ESRRG: variants seen among roughly 807,000 people sequenced by gnomAD.
The protein encoded by ESRRG is estrogen related receptor gamma, also known as estrogen-related receptor gamma.
In ESRRG, 13 loss-of-function variants were observed where a neutral mutation model predicts 44.0. That is an observed-to-expected ratio of 0.30 (90% CI 0.19 to 0.47). ESRRG has a LOEUF of 0.47. ESRRG is among the 20% of genes least tolerant of loss of function. ESRRG has a pLI of 1.00. For missense variants in ESRRG, 395 were observed against 580.6 expected (o/e 0.68, Z 3.29); for synonymous variants, 215 against 214.6 (o/e 1.00, Z -0.02).
chr1:216,901,306 A>G (rs1470594653), intron 2 of ESRRG, among the ~76,000 whole-genome samples: 1 of 152,138 alleles, frequency 6.6e-6, no homozygotes, highest in Non-Finnish European at 1.5e-5. Context: ...ATAGGACACT[A>G]GATCTCATTT....
chr1:216,986,928 A>G (rs1166381127), intron 1 of ESRRG, among the ~76,000 whole-genome samples: 6 of 152,212 alleles, frequency 3.9e-5, no homozygotes. Context: ...ATTTTAAACC[A>G]TCAATAATAA....
intron 2 of ESRRG, among the ~76,000 whole-genome samples, chr1:216,920,381 GGAGTGTGT>G (rs937902825): frequency 1.4e-4 from 16 of 114,410 alleles, no homozygotes; most frequent in African/African-American, 5.5e-4. Context: ...TGAATGTATG[GGAGTGTGT>G]GTGTGTGTGT....
intron 2 of ESRRG, among the ~76,000 whole-genome samples, chr1:216,910,996 A>G (rs1284822478): frequency 1.3e-5 from 2 of 152,196 alleles, no homozygotes; most frequent in African/African-American, 4.8e-5. Context: ...CATTTATTGA[A>G]TAATTTTTCA....
chr1:217,018,791 TTTC>T (rs1408592777), intron 1 of ESRRG, among the ~76,000 whole-genome samples: 1 of 152,162 alleles, frequency 6.6e-6, no homozygotes, highest in Non-Finnish European at 1.5e-5. Flanking sequence ...CCTTTCCACA[TTTC>T]TTCTAACACT....
At chr1:216,668,861 G>T (rs1224663469) in intron 2 of ESRRG, among the ~76,000 whole-genome samples, 1 of 151,990 alleles carries the variant, frequency 6.6e-6, no homozygotes, top group Admixed American at 6.6e-5. Context: ...GGAAATAATA[G>T]ACTAAAAAAA....
intron 1 of ESRRG, among the ~76,000 whole-genome samples, chr1:217,006,761 A>G (rs550154202): frequency 2.6e-5 from 4 of 152,126 alleles, no homozygotes; most frequent in African/African-American, 7.2e-5. Context: ...TTTGACTGAA[A>G]CCCATTACAT....
At chr1:216,515,011 A>G (rs1287768483) in intron 6 of ESRRG, among the ~76,000 whole-genome samples, 5 of 151,906 alleles carry the variant, frequency 3.3e-5, no homozygotes, top group African/African-American at 4.8e-5. Flanking sequence ...ATGCACATAT[A>G]TATACATGTA....
intron 2 of ESRRG, among the ~76,000 whole-genome samples, chr1:216,670,605 A>T (rs2074974900): frequency 1.3e-5 from 2 of 152,304 alleles, no homozygotes; most frequent in South Asian, 4.1e-4. Flanking sequence ...TGGCTAGATC[A>T]CCACAAGCCC....
At chr1:216,798,279 T>C (rs1054125068) in intron 2 of ESRRG, among the ~76,000 whole-genome samples, 2 of 152,126 alleles carry the variant, frequency 1.3e-5, no homozygotes, top group Non-Finnish European at 2.9e-5. Flanking sequence ...CTTGTAATAG[T>C]GCCATCCAAT....
intron 1 of ESRRG, among the ~76,000 whole-genome samples, chr1:217,130,426 G>A (rs35778506): frequency 6.6e-6 from 1 of 151,928 alleles, no homozygotes; most frequent in East Asian, 1.9e-4. Context: ...TTTAGACAAG[G>A]GATCTTGCTA....
intron 2 of ESRRG, among the ~76,000 whole-genome samples, chr1:216,877,042 G>A (rs2096366337): frequency 6.6e-6 from 1 of 150,936 alleles, no homozygotes; most frequent in South Asian, 2.1e-4. Flanking sequence ...GAATAAAGGT[G>A]TAAACAACAT....
At position 217,126,197 on chromosome 1, in the gene ESRRG, T is replaced by C. The variant is rs184166743; in HGVS notation, c.-230+11470A>G. ...TCTGTGGGATTCAAAATATGTTTCT[T>C]TACCTACCTACCTAGCTACCTACCT... is the stretch of plus-strand genomic sequence containing the variant. On this transcript the variant is annotated intron_variant, in intron 1 of 8. Transcript: ENST00000366940. Among the ~76,000 whole-genome samples the C allele has an allele frequency of 1.5e-4, 23 of 152,170 alleles. No homozygotes were observed. The East Asian group carries it at 2.1e-3, about 14-fold the overall frequency.
rs2095795482 is a variant in ESRRG at position 216,848,561 on chromosome 1, A to C, written c.-14+91021T>G. Among the ~76,000 whole-genome samples, 2 of 152,162 alleles carry C rather than the reference A, an allele frequency of 1.3e-5. 1 individual carries two copies. The highest frequency in any genetic ancestry group is 4.1e-4 in the South Asian group (2 of 4,822). On this transcript the variant is annotated intron_variant, in intron 2 of 7. Coordinates refer to the ESRRG transcript ENST00000359162. Reference sequence around the variant, plus strand: ...AATTCATTAACAAAAATTAATAGCTACCCAGTGCTCTACATTGCGCAGCAT... The same window carrying C: ...AATTCATTAACAAAAATTAATAGCTCCCCAGTGCTCTACATTGCGCAGCAT...
intron 2 of ESRRG, among the ~76,000 whole-genome samples, chr1:216,938,066 C>A (rs2064465592): frequency 6.6e-6 from 1 of 152,036 alleles, no homozygotes; most frequent in Non-Finnish European, 1.5e-5. Flanking sequence ...GGTGCCCCTG[C>A]CTTCACCTGC....
At chr1:216,807,690 C>A (rs2789720) in intron 2 of ESRRG, among the ~76,000 whole-genome samples, 34,151 of 150,052 alleles carry the variant, frequency 0.23, 4,190 homozygotes, top group East Asian at 0.37. Flanking sequence ...AATCTCTTTG[C>A]AGCAGATTCT....
intron 2 of ESRRG, among the ~76,000 whole-genome samples, chr1:216,881,503 G>T (rs1168186978): frequency 6.6e-6 from 1 of 152,058 alleles, no homozygotes; most frequent in African/African-American, 2.4e-5. Flanking sequence ...CTAGGGGTTG[G>T]TGGGGAGACA....
At chr1:216,832,661 T>A (rs1175815300) in intron 2 of ESRRG, among the ~76,000 whole-genome samples, 1 of 152,064 alleles carries the variant, frequency 6.6e-6, no homozygotes, top group Non-Finnish European at 1.5e-5. Context: ...TTCCCTCTAC[T>A]CTTTTTAAAA....
intron 5 of ESRRG, among the ~76,000 whole-genome samples, chr1:216,560,012 AT>A (rs767403133): frequency 1.8e-4 from 27 of 152,304 alleles, no homozygotes; most frequent in South Asian, 4.1e-4. Flanking sequence ...TCAATGAGCA[AT>A]TTTTGATATG....
chr1:216,609,908 T>C (rs1427644719), intron 3 of ESRRG, among the ~76,000 whole-genome samples: 1 of 152,212 alleles, frequency 6.6e-6, no homozygotes, highest in Non-Finnish European at 1.5e-5. Context: ...TTCAATATTA[T>C]TTAAAAGTAC....
Sources: allele counts gnomAD v4.1 joint callset (sites outside exome capture counted in the v4.1 genomes callset), GRCh38; gene constraint gnomAD v4.1.1; transcripts MANE v1.5; gene names NCBI Gene and HGNC (gene_info 2026-07-23, HGNC 2026-07-21).